ZMYND11: variants seen among roughly 807,000 people sequenced by gnomAD.
The protein encoded by ZMYND11 is zinc finger MYND-type containing 11, also known as zinc finger MYND domain-containing protein 11.
Under a neutral mutation model 84.9 loss-of-function variants are expected in ZMYND11, and 9 were observed. That is an observed-to-expected ratio of 0.11 (90% CI 0.06 to 0.18). The LOEUF (loss-of-function observed/expected upper bound fraction) is 0.18. Ranked by LOEUF, ZMYND11 falls within the 10% of genes least tolerant of loss-of-function variation. The pLI is 1.00. For synonymous variants in ZMYND11, 250 were observed against 244.1 expected, an observed-to-expected ratio of 1.02 and a Z score of -0.23; for missense variants, 409 against 761.0, an observed-to-expected ratio of 0.54 and a Z score of 5.44.
intron 1 of ZMYND11, among the ~76,000 whole-genome samples, chr10:150,290 G>A (rs368398723): frequency 6.6e-6 from 1 of 152,120 alleles, no homozygotes; most frequent in African/African-American, 2.4e-5. Context: ...CAATTTCAGA[G>A]CCTGTTATTG....
intron 7 of ZMYND11, 149 bp from the exon 8 acceptor site, chr10:239,907 T>C: frequency 1.7e-6 from 1 of 605,446 alleles, no homozygotes; most frequent in South Asian, 2.3e-5. Flanking sequence ...GCTGCCTGTG[T>C]AATTTTATTT....
chr10:188,117 G>A (rs1242009635), intron 2 of ZMYND11, among the ~76,000 whole-genome samples: 1 of 151,950 alleles, frequency 6.6e-6, no homozygotes. Flanking sequence ...ATTTGAATAG[G>A]TATCATAATA....
At chr10:213,420 A>G (rs1009007699) in intron 3 of ZMYND11, among the ~76,000 whole-genome samples, 1 of 152,216 alleles carries the variant, frequency 6.6e-6, no homozygotes, top group African/African-American at 2.4e-5. Context: ...TGACTTTTTA[A>G]ACTGAAAGAT....
chr10:240,758 T>G, intron 8 of ZMYND11, 135 bp from the exon 9 acceptor site: 1 of 691,954 alleles, frequency 1.4e-6, no homozygotes, highest in South Asian at 2.0e-5. Flanking sequence ...ACTTTAAAAT[T>G]TAGGCTTAAA....
intron 1 of ZMYND11, among the ~76,000 whole-genome samples, chr10:160,370 A>C (rs1376331945): frequency 1.3e-5 from 2 of 152,230 alleles, no homozygotes; most frequent in Non-Finnish European, 2.9e-5. Context: ...GCCTTCAGGG[A>C]ATTGTGGTCT....
intron 2 of ZMYND11, among the ~76,000 whole-genome samples, chr10:195,525 G>A (rs1329854656): frequency 6.6e-6 from 1 of 151,952 alleles, no homozygotes; most frequent in East Asian, 1.9e-4. Context: ...CATCAATATG[G>A]GTTAATTTCA....
Position 248,620 on chromosome 10 carries a change from C to T in ZMYND11, c.1500+12C>T, listed in dbSNP as rs756502445. On this transcript the variant is annotated intron_variant, in intron 13 of 14. Coordinates refer to ENST00000381604, the MANE Select transcript of ZMYND11 (RefSeq NM_001370100.5). ...AAGCTCTGGAGAAGGTAATGCTTGT[C>T]GCCACTGTGGGTGCCCTGCTGCAGC... The T allele has an allele frequency of 1.5e-5, 24 of 1,587,124 alleles. No individual in the cohort carries two copies. The highest frequency in any genetic ancestry group is 3.4e-5 in the South Asian group (3 of 87,864).
At chr10:220,434 T>A (rs1946951246) in intron 3 of ZMYND11, among the ~76,000 whole-genome samples, 1 of 152,164 alleles carries the variant, frequency 6.6e-6, no homozygotes, top group Admixed American at 6.5e-5. Flanking sequence ...TAAAGGGTAT[T>A]AGCTGTATAA....
intron 4 of ZMYND11, among the ~76,000 whole-genome samples, chr10:231,717 G>GAT (rs1392640364): frequency 1.3e-5 from 2 of 152,142 alleles, no homozygotes; most frequent in Non-Finnish European, 2.9e-5. Flanking sequence ...AGTGTAGCCT[G>GAT]GCAGTTACTT....
At chr10:198,610 C>T (rs1224691345) in intron 2 of ZMYND11, among the ~76,000 whole-genome samples, 2 of 151,996 alleles carry the variant, frequency 1.3e-5, no homozygotes, top group Admixed American at 6.5e-5. Flanking sequence ...AATATTTCAC[C>T]TCTCGTTGGC....
At chr10:132,800 C>A (rs930558360), upstream of ZMYND11, among the ~76,000 whole-genome samples, 1 of 152,098 alleles carries the variant, frequency 6.6e-6, no homozygotes, top group Non-Finnish European at 1.5e-5. Flanking sequence ...TGATTGGGGG[C>A]GGGAGGAGTA....
intron 1 of ZMYND11, among the ~76,000 whole-genome samples, chr10:151,947 T>G (rs1487874838): frequency 2.0e-5 from 3 of 152,132 alleles, no homozygotes; most frequent in African/African-American, 7.2e-5. Flanking sequence ...AACCCAGAAT[T>G]TCATATCCAG....
intron 2 of ZMYND11, among the ~76,000 whole-genome samples, chr10:203,004 G>C (rs960466602): frequency 1.3e-5 from 2 of 151,750 alleles, no homozygotes; most frequent in Non-Finnish European, 2.9e-5. Flanking sequence ...GGAAAGAAAT[G>C]TCCTCAATAA....
intron 2 of ZMYND11, among the ~76,000 whole-genome samples, chr10:186,642 C>CAAAAAAAAAAAAAAAA: frequency 1.1e-5 from 1 of 95,152 alleles, no homozygotes; most frequent in Non-Finnish European, 2.1e-5. Context: ...AGGACTCTCT[C>CAAAAAAAAAAAAAAAA]AAAAAAAAAA....
chr10:207,085 A>G (rs1944325562), intron 2 of ZMYND11, among the ~76,000 whole-genome samples: 1 of 151,906 alleles, frequency 6.6e-6, no homozygotes, highest in South Asian at 2.1e-4. Flanking sequence ...GAGAACATGC[A>G]GTGTTTGGTT....
At chr10:186,096 G>A (rs1040277593) in intron 2 of ZMYND11, among the ~76,000 whole-genome samples, 38 of 150,396 alleles carry the variant, frequency 2.5e-4, no homozygotes, top group Non-Finnish European at 4.7e-4. Flanking sequence ...TGCAAGCTCC[G>A]CCTCCCGGGT....
At chr10:145,559 T>C (rs1470286387) in intron 1 of ZMYND11, among the ~76,000 whole-genome samples, 5 of 152,196 alleles carry the variant, frequency 3.3e-5, no homozygotes, top group Admixed American at 2.6e-4. Context: ...CCAACACCTA[T>C]TGGTTTTTGA....
At position 246,967 on chromosome 10, in the gene ZMYND11, T is replaced by C. The variant is rs754506556; in HGVS notation, c.1152T>C (p.Asn384=). The C allele has an allele frequency of 5.0e-6, 8 of 1,604,494 alleles. No homozygotes were observed. The highest frequency in any genetic ancestry group is 6.8e-6 in the Non-Finnish European group (8 of 1,175,324). Residue 384 remains asparagine (N), a synonymous_variant, in exon 11 of 15, where the codon AAT becomes AAC. Transcript: ENST00000381604. ...EAESSISSTS[N]EQLKVTQEPR... is the part of the protein sequence containing the mutation. ...AATCCAGTATCTCCTCCACCAGTAA[T>C]GAGCAGGTGAGTGTGTCTCCGGAAG...
At chr10:157,618 C>G (rs1221710035) in intron 1 of ZMYND11, among the ~76,000 whole-genome samples, 1 of 152,146 alleles carries the variant, frequency 6.6e-6, no homozygotes, top group East Asian at 1.9e-4. Context: ...GTTTAAAAAT[C>G]AGGAATCCTG....
Sources: gnomAD v4.1 joint callset for allele counts (sites outside exome capture counted in the v4.1 genomes callset) on GRCh38, gnomAD v4.1.1 for gene constraint, MANE v1.5 for transcripts, NCBI Gene and HGNC (gene_info 2026-07-23, HGNC 2026-07-21) for gene names.